TMEM178B: variants seen among roughly 807,000 people sequenced by gnomAD.
TMEM178B encodes transmembrane protein 178B.
In TMEM178B, 5 loss-of-function variants were observed where a neutral mutation model predicts 31.0. The observed-to-expected ratio is 0.16, with a 90% CI of 0.08 to 0.34. The LOEUF (loss-of-function observed/expected upper bound fraction) is 0.34, where lower values mean the gene tolerates loss of function less well. Among genes scored for constraint, TMEM178B ranks in the 10% least tolerant of loss-of-function variants. The pLI is 1.00. For synonymous variants in TMEM178B, 164 were observed against 164.0 expected (o/e 1.00, Z 0.00); for missense variants, 275 against 400.3 (o/e 0.69, Z 2.67).
At chr7:141,217,420 G>A (rs996879740) in intron 2 of TMEM178B, among the ~76,000 whole-genome samples, 8 of 152,184 alleles carry the variant, frequency 5.3e-5, no homozygotes, top group Admixed American at 6.5e-5. Context: ...GGAAGATGTC[G>A]CTGAGAGGTG....
At chr7:141,392,813 A>T (rs17162195) in intron 2 of TMEM178B, among the ~76,000 whole-genome samples, 1,672 of 151,798 alleles carry the variant, frequency 0.011, 24 homozygotes, top group African/African-American at 0.038. Context: ...CCTGGGAGCC[A>T]TAATCTAACT....
At chr7:141,377,815 A>G (rs2116581620) in intron 2 of TMEM178B, among the ~76,000 whole-genome samples, 1 of 152,300 alleles carries the variant, frequency 6.6e-6, no homozygotes, top group African/African-American at 2.4e-5. Context: ...TTTGGGAGTT[A>G]TTTTAGATTT....
At chr7:141,110,878 G>A (rs1795224425) in intron 1 of TMEM178B, among the ~76,000 whole-genome samples, 2 of 152,160 alleles carry the variant, frequency 1.3e-5, no homozygotes, top group South Asian at 2.1e-4. Context: ...TCGCTGTCTT[G>A]TTCTCCAACT....
At chr7:141,416,438 C>T (rs1398144571) in intron 2 of TMEM178B, 3 of 152,608 alleles carry the variant, frequency 2.0e-5, no homozygotes, top group African/African-American at 7.2e-5. Context: ...GAGCTAGTTT[C>T]AGAGAAATAT....
rs867169355 is a variant in TMEM178B at position 141,212,763 on chromosome 7, T to C, written c.496+59T>C. The C allele has an allele frequency of 9.1e-5, 121 of 1,336,554 alleles. No individual in the cohort carries two copies. In the African/African-American group the frequency reaches 1.4e-3, roughly 15 times the overall value. The allele number at this position is 1,336,554 out of a possible 1,614,324, so 82.8% of individuals were successfully genotyped here. On this transcript the variant is annotated intron_variant, in intron 2 of 3. Coordinates refer to ENST00000565468, the MANE Select transcript of TMEM178B (RefSeq NM_001195278.2). Reference sequence around the variant, plus strand: ...TGCTGTGAGGTCCCCTTTGGAGGGATTGGAGGATTGGATGTGCCTCCTTCT... The same window carrying C: ...TGCTGTGAGGTCCCCTTTGGAGGGACTGGAGGATTGGATGTGCCTCCTTCT...
chr7:141,101,830 C>T (rs1362474739), intron 1 of TMEM178B, among the ~76,000 whole-genome samples: 8 of 152,014 alleles, frequency 5.3e-5, no homozygotes, highest in East Asian at 3.9e-4. Context: ...AAGGAATAAT[C>T]GGAACATGGG....
At chr7:141,294,168 A>G (rs917312902) in intron 2 of TMEM178B, among the ~76,000 whole-genome samples, 1 of 152,218 alleles carries the variant, frequency 6.6e-6, no homozygotes, top group African/African-American at 2.4e-5. Context: ...AAAGTGCTGT[A>G]AGATAAAATA....
chr7:141,386,688 T>G (rs1586926907), intron 2 of TMEM178B, among the ~76,000 whole-genome samples: 2 of 152,352 alleles, frequency 1.3e-5, no homozygotes, highest in Non-Finnish European at 2.9e-5. Context: ...GCTGTGGATC[T>G]TCTTCCAAAC....
intron 1 of TMEM178B, among the ~76,000 whole-genome samples, chr7:141,210,755 C>G (rs190018347): frequency 4.5e-4 from 69 of 151,960 alleles, no homozygotes; most frequent in African/African-American, 1.6e-3. Context: ...AACCAGTGGT[C>G]TACAGAGCCT....
the TMEM178B span, among the ~76,000 whole-genome samples, chr7:141,495,618 T>C: frequency 1.2e-3 from 185 of 152,298 alleles, no homozygotes; most frequent in Admixed American, 5.1e-3. Flanking sequence ...CAGATACTTA[T>C]ACAAAGATAT....
chr7:141,497,147 A>T, the TMEM178B span, among the ~76,000 whole-genome samples: 3 of 152,174 alleles, frequency 2.0e-5, no homozygotes, highest in African/African-American at 4.8e-5. Context: ...ACAGGTAGAG[A>T]AGCCATCCCT....
Position 141,113,930 on chromosome 7 carries a change from A to C in TMEM178B, c.382+39238A>C, listed in dbSNP as rs562200003. Among the ~76,000 whole-genome samples the C allele has an allele frequency of 1.9e-4, 29 of 152,330 alleles. 1 individual carries two copies. The South Asian group carries it at 6.0e-3, about 32-fold the overall frequency. On this transcript the variant is annotated intron_variant, in intron 1 of 3. Coordinates refer to ENST00000565468, the MANE Select transcript of TMEM178B (RefSeq NM_001195278.2). ...TTTAGATAATGTGATTAGAGTACAG[A>C]AATGCTATATAGAAATCTAACATAG... is the stretch of plus-strand genomic sequence containing the variant.
In TMEM178B at chr7:141,240,351, AGAAGACTATTCCAGATTG is replaced by A. The variant is rs1482825529; in HGVS notation, c.496+27649_496+27666del. On this transcript the variant is annotated intron_variant, in intron 2 of 3. Transcript: ENST00000565468. ...TGAATTTGTTTTATGTGCAGTACAA[AGAAGACTATTCCAGATTG>A]GTATTTCCCTTCTAGAAGTTTCTAA... is the stretch of plus-strand genomic sequence containing the variant. Among the ~76,000 whole-genome samples the A allele has an allele frequency of 2.0e-5, 3 of 152,380 alleles. No homozygotes were observed. In the East Asian group the frequency reaches 5.8e-4, roughly 29 times the overall value.
intron 2 of TMEM178B, among the ~76,000 whole-genome samples, chr7:141,268,065 A>G (rs1165947934): frequency 2.6e-5 from 4 of 152,224 alleles, no homozygotes; most frequent in Admixed American, 2.6e-4. Context: ...ATTCTACAAA[A>G]TGTTCATGGA....
At chr7:141,303,837 A>G (rs912183526) in intron 2 of TMEM178B, among the ~76,000 whole-genome samples, 2 of 152,232 alleles carry the variant, frequency 1.3e-5, no homozygotes, top group African/African-American at 4.8e-5. Flanking sequence ...GACAAATGCT[A>G]CTACTTACTA....
chr7:141,409,353 G>C (rs1800940539), intron 2 of TMEM178B, among the ~76,000 whole-genome samples: 1 of 152,172 alleles, frequency 6.6e-6, no homozygotes, highest in Non-Finnish European at 1.5e-5. Context: ...TCACCAGAGA[G>C]CTATTGAGTG....
intron 2 of TMEM178B, among the ~76,000 whole-genome samples, chr7:141,283,003 AC>A (rs1798390759): frequency 6.6e-6 from 1 of 152,160 alleles, no homozygotes; most frequent in African/African-American, 2.4e-5. Context: ...AAGTAATTGT[AC>A]CAACCTAATA....
intron 2 of TMEM178B, among the ~76,000 whole-genome samples, chr7:141,263,072 C>T (rs2116364323): frequency 6.6e-6 from 1 of 152,242 alleles, no homozygotes; most frequent in South Asian, 2.1e-4. Flanking sequence ...CCTTGCTTCC[C>T]AGTTATCTGG....
chr7:141,097,949 G>C (rs1457836365), intron 1 of TMEM178B, among the ~76,000 whole-genome samples: 1 of 151,738 alleles, frequency 6.6e-6, no homozygotes, highest in East Asian at 1.9e-4. Context: ...GTGCCACCAT[G>C]CCTGGCTAAT....
Sources: allele counts gnomAD v4.1 joint callset (sites outside exome capture counted in the v4.1 genomes callset), GRCh38; gene constraint gnomAD v4.1.1; transcripts MANE v1.5; gene names NCBI Gene and HGNC (gene_info 2026-07-23, HGNC 2026-07-21).